TTLL7: variants seen among roughly 807,000 people sequenced by gnomAD.
TTLL7 encodes tubulin tyrosine ligase like 7.
In TTLL7, 53 loss-of-function variants were observed where a neutral mutation model predicts 120.2. That is an observed-to-expected ratio of 0.44 (90% CI 0.35 to 0.55). TTLL7 has a LOEUF of 0.55. TTLL7 is among the 20% of genes least tolerant of loss of function. The probability of loss-of-function intolerance (pLI) is 0.00; values close to 1 mark genes in which losing one functional copy is unlikely to be tolerated. For synonymous variants in TTLL7, 353 were observed against 351.7 expected (o/e 1.00, Z -0.04); for missense variants, 803 against 1,054.7 (o/e 0.76, Z 3.31).
chr1:83,958,126 C>T (rs1319129642), intron 1 of TTLL7, among the ~76,000 whole-genome samples: 3 of 152,060 alleles, frequency 2.0e-5, no homozygotes, highest in Admixed American at 6.6e-5. Context: ...TGTAAAACAT[C>T]CTATGTGCCA....
intron 1 of TTLL7, among the ~76,000 whole-genome samples, chr1:83,955,640 T>C (rs1649442064): frequency 1.3e-5 from 2 of 152,182 alleles, no homozygotes; most frequent in Non-Finnish European, 2.9e-5. Flanking sequence ...GAGAAATAAA[T>C]TTCTATTGTT....
At chr1:83,996,446 C>A (rs1189736158) in intron 1 of TTLL7, among the ~76,000 whole-genome samples, 1 of 152,144 alleles carries the variant, frequency 6.6e-6, no homozygotes. Flanking sequence ...TTAGCTGAAC[C>A]TTTATGTGGC....
At chr1:83,908,757 A>T (rs1241151855) in intron 15 of TTLL7, among the ~76,000 whole-genome samples, 1 of 151,850 alleles carries the variant, frequency 6.6e-6, no homozygotes, top group Non-Finnish European at 1.5e-5. Flanking sequence ...TAATTTGGTA[A>T]AATTCACATG....
At chr1:83,994,006 A>G (rs1211827295) in intron 1 of TTLL7, among the ~76,000 whole-genome samples, 1 of 152,236 alleles carries the variant, frequency 6.6e-6, no homozygotes, top group Non-Finnish European at 1.5e-5. Context: ...AATGCCTGAG[A>G]GAAATGGAGA....
intron 18 of TTLL7, among the ~76,000 whole-genome samples, chr1:83,895,351 C>G (rs1656118993): frequency 6.6e-6 from 1 of 151,994 alleles, no homozygotes; most frequent in Non-Finnish European, 1.5e-5. Flanking sequence ...ATTGAGAGAA[C>G]TTACCATGTG....
chr1:83,907,484 T>C lies in TTLL7; in HGVS notation c.1964A>G (p.Asn655Ser). ...SSYMRHLPHSNDACSTNSQVS... is the reference protein window; with the variant it reads ...SSYMRHLPHSSDACSTNSQVS... The stretch of plus-strand genomic sequence containing the variant: ...TTGAGAGTTGGTAGAGCAGGCATCA[T>C]TACTGTGAGGCAGATGCCTCATGTA... The change falls in exon 16 of 21, where the codon AAT (asparagine) becomes AGT (serine). Residue 655 changes from asparagine to serine, a missense_variant. Physicochemically the swap from Asn to Ser is conservative, Grantham distance 46 (BLOSUM62 1). Around this residue, in one of 3 missense-constraint regions of TTLL7, gnomAD observed 388 missense variants for 450.4 expected, o/e 0.86. Coordinates refer to ENST00000260505, the MANE Select transcript of TTLL7 (RefSeq NM_024686.6). The C allele has an allele frequency of 6.2e-7, 1 of 1,612,966 alleles. No individual in the cohort carries two copies. The highest frequency in any genetic ancestry group is 2.2e-5 in the East Asian group (1 of 44,840).
chr1:83,991,760 C>G (rs991995423), intron 1 of TTLL7, among the ~76,000 whole-genome samples: 6 of 152,064 alleles, frequency 3.9e-5, no homozygotes, highest in Non-Finnish European at 8.8e-5. Flanking sequence ...CTAAGATGTT[C>G]ACACTCTTGA....
chr1:83,932,538 T>C (rs1300406242), intron 9 of TTLL7, among the ~76,000 whole-genome samples: 4 of 151,140 alleles, frequency 2.6e-5, no homozygotes, highest in Non-Finnish European at 5.9e-5. Context: ...ATGTTACTGT[T>C]TAAAGTAGAT....
chr1:83,963,896 T>A (rs1360993982), intron 1 of TTLL7, among the ~76,000 whole-genome samples: 2 of 152,088 alleles, frequency 1.3e-5, no homozygotes, highest in Non-Finnish European at 2.9e-5. Context: ...TAAGTTATGG[T>A]ACAAGAATCA....
At chr1:83,954,779 A>G (rs1649364561) in intron 1 of TTLL7, among the ~76,000 whole-genome samples, 1 of 152,170 alleles carries the variant, frequency 6.6e-6, no homozygotes, top group South Asian at 2.1e-4. Flanking sequence ...ATTATAAGAA[A>G]AAAAGTAAAA....
At chr1:83,982,648 C>T (rs1229644346) in intron 1 of TTLL7, among the ~76,000 whole-genome samples, 1 of 152,010 alleles carries the variant, frequency 6.6e-6, no homozygotes, top group Non-Finnish European at 1.5e-5. Flanking sequence ...TGAAAGAAAT[C>T]GGAGATAACA....
intron 10 of TTLL7, among the ~76,000 whole-genome samples, chr1:83,921,733 G>A (rs568782748): frequency 3.9e-5 from 6 of 151,972 alleles, no homozygotes; most frequent in South Asian, 4.1e-4. Flanking sequence ...TAGTTTCCCC[G>A]TCTAAAATGT....
intron 1 of TTLL7, among the ~76,000 whole-genome samples, chr1:83,960,337 G>GA (rs1458282463): frequency 6.6e-6 from 1 of 152,116 alleles, no homozygotes; most frequent in African/African-American, 2.4e-5. Context: ...ACAATCTTAA[G>GA]AGGATATTAC....
chr1:83,903,524 A>G (rs900254734), intron 18 of TTLL7, among the ~76,000 whole-genome samples: 2 of 152,030 alleles, frequency 1.3e-5, no homozygotes, highest in African/African-American at 4.8e-5. Flanking sequence ...ATGGATGCTC[A>G]AGTCCATGAT....
rs1460239988 is a variant in TTLL7, at chr1:83,906,342, A to G, written c.2114T>C (p.Leu705Pro). 8.7e-6 allele frequency: 14 copies of G among 1,612,050 alleles called. No homozygotes were observed. Among genetic ancestry groups the G allele is most frequent in the Non-Finnish European group, 1.2e-5 (14 of 1,178,876 alleles). Residue 705 changes from leucine to proline, a missense_variant, in exon 17 of 21, where the codon CTT becomes CCT. Physicochemically the swap from Leu to Pro is moderately conservative, Grantham distance 98 (BLOSUM62 -3). This residue lies in a region of TTLL7 where 388 missense variants were observed against 450.4 expected (regional missense o/e 0.86). Coordinates refer to ENST00000260505, the MANE Select transcript of TTLL7 (RefSeq NM_024686.6). ...TCACATACTCACATCTTCTATCAGA[A>G]GTTCTGATTCTGCATCTGACTTTCC... is the stretch of plus-strand genomic sequence containing the variant. ...FPGKSDAESE[L>P]LIEDIIDNWK...
chr1:83,982,552 T>C (rs1028340458), intron 1 of TTLL7, among the ~76,000 whole-genome samples: 28 of 152,050 alleles, frequency 1.8e-4, no homozygotes, highest in African/African-American at 6.5e-4. Context: ...CCATTTACAA[T>C]AGCCACACAC....
intron 1 of TTLL7, among the ~76,000 whole-genome samples, chr1:83,969,415 AACTC>A (rs1261862133): frequency 6.6e-6 from 1 of 151,968 alleles, no homozygotes; most frequent in Non-Finnish European, 1.5e-5. Context: ...CTTTAAGAAG[AACTC>A]ACTGACTTTA....
chr1:83,941,218 C>T (rs1041493008), intron 7 of TTLL7, among the ~76,000 whole-genome samples: 1 of 152,200 alleles, frequency 6.6e-6, no homozygotes, highest in African/African-American at 2.4e-5. Context: ...TGCCACAGCA[C>T]CCTCAGTTTC....
Position 83,943,304 on chromosome 1 carries a change from T to C in TTLL7, c.507-625A>G, listed in dbSNP as rs565734814. Among the ~76,000 whole-genome samples, 74 of 152,288 alleles carry C rather than the reference T, an allele frequency of 4.9e-4. 1 individual carries two copies. The highest frequency in any genetic ancestry group is 9.6e-4 in the Non-Finnish European group (65 of 68,016). On this transcript the variant is annotated intron_variant, in intron 6 of 20. Coordinates refer to ENST00000260505, the MANE Select transcript of TTLL7 (RefSeq NM_024686.6). ...TGAAACTTTGAAAAGCTCTGACATA[T>C]TCCTGGGAATCTAGACGACCAGTTA...
Sources: gnomAD v4.1 joint callset for allele counts (sites outside exome capture counted in the v4.1 genomes callset) on GRCh38, gnomAD v4.1.1 for gene constraint, gnomAD v4.1.1 regional missense constraint, MANE v1.5 for transcripts, NCBI Gene and HGNC (gene_info 2026-07-23, HGNC 2026-07-21) for gene names.